Variants in LCMT1 observed in about 807,000 individuals in gnomAD.
The protein encoded by LCMT1 is leucine carboxyl methyltransferase 1, also known as [Phosphatase 2A protein]-leucine-carboxy methyltransferase 1.
LCMT1 carries 32 observed loss-of-function variants against 47.7 expected under a neutral mutation model. That is an observed-to-expected ratio of 0.67 (90% CI 0.51 to 0.90). LCMT1 has a LOEUF of 0.90. Among genes scored for constraint, LCMT1 ranks in the 40% least tolerant of loss-of-function variants. The pLI is 0.00. For synonymous variants in LCMT1, 152 were observed against 149.7 expected, an observed-to-expected ratio of 1.02 and a Z score of -0.11; for missense variants, 375 against 415.2, an observed-to-expected ratio of 0.90 and a Z score of 0.84.
intron 5 of LCMT1, among the ~76,000 whole-genome samples, chr16:25,154,113 G>A (rs537446756): frequency 2.6e-5 from 4 of 151,040 alleles, no homozygotes; most frequent in South Asian, 2.1e-4. Flanking sequence ...GGGTTCAAGC[G>A]ATTCTCCTGC....
intron 5 of LCMT1, among the ~76,000 whole-genome samples, chr16:25,155,493 G>C (rs1961227564): frequency 6.6e-6 from 1 of 151,994 alleles, no homozygotes; most frequent in Non-Finnish European, 1.5e-5. Flanking sequence ...GCTACAGAGA[G>C]CTGTGATTGC....
At chr16:25,126,640 C>T (rs1048115279) in intron 1 of LCMT1, among the ~76,000 whole-genome samples, 7 of 152,214 alleles carry the variant, frequency 4.6e-5, no homozygotes, top group Admixed American at 3.9e-4. Flanking sequence ...CTACACTAGT[C>T]GTATTGAACA....
At chr16:25,112,609 T>A (rs890417755) in intron 1 of LCMT1, among the ~76,000 whole-genome samples, 4 of 152,200 alleles carry the variant, frequency 2.6e-5, no homozygotes, top group African/African-American at 9.7e-5. Context: ...AACAAAATTT[T>A]TTGAGACCTT....
Position 25,175,445 on chromosome 16 carries a change from G to A in LCMT1, c.982+411G>A, listed in dbSNP as rs190242632. 8.1e-3 allele frequency among the ~76,000 whole-genome samples: 1,208 copies of A among 148,424 alleles called. 11 individuals are homozygous for A. The highest frequency in any genetic ancestry group is 0.018 in the South Asian group (82 of 4,674). On this transcript the variant is annotated intron_variant, in intron 10 of 10. Coordinates refer to ENST00000399069, the MANE Select transcript of LCMT1 (RefSeq NM_016309.3). ...TTGAGACCAGCCTGGCCAACATGAT[G>A]AAACCCCGTCTCTACTAAAAATACA...
intron 1 of LCMT1, 126 bp downstream of exon 1, chr16:25,112,122 C>G: frequency 2.8e-6 from 2 of 718,346 alleles, no homozygotes; most frequent in Non-Finnish European, 5.0e-6. Context: ...ACGACCCTCG[C>G]TTCCCACCTG....
chr16:25,115,412 A>G (rs1959755964), intron 1 of LCMT1, among the ~76,000 whole-genome samples: 1 of 152,202 alleles, frequency 6.6e-6, no homozygotes, highest in African/African-American at 2.4e-5. Context: ...TACAGGTGCT[A>G]GAAATCACAC....
intron 10 of LCMT1, among the ~76,000 whole-genome samples, chr16:25,177,688 G>A (rs986148411): frequency 6.6e-6 from 1 of 152,170 alleles, no homozygotes; most frequent in Non-Finnish European, 1.5e-5. Flanking sequence ...ATCAGTGCTT[G>A]TCTGTGTGTG....
At chr16:25,150,476 C>T (rs1005823064) in intron 4 of LCMT1, among the ~76,000 whole-genome samples, 1 of 151,222 alleles carries the variant, frequency 6.6e-6, no homozygotes, top group South Asian at 2.1e-4. Flanking sequence ...TCCCAAGTAG[C>T]TGGGATTCCA....
intron 10 of LCMT1, among the ~76,000 whole-genome samples, chr16:25,177,333 G>A (rs1961979286): frequency 1.3e-5 from 2 of 152,166 alleles, no homozygotes; most frequent in African/African-American, 2.4e-5. Context: ...ATGACCTCTT[G>A]TGACTTTTCC....
intron 7 of LCMT1, among the ~76,000 whole-genome samples, chr16:25,165,102 T>C (rs1961547654): frequency 3.3e-4 from 1 of 2,990 alleles, no homozygotes. Flanking sequence ...GTGTAGGGTT[T>C]GGGGACTGGT....
intron 6 of LCMT1, among the ~76,000 whole-genome samples, chr16:25,163,111 C>G (rs532725197): frequency 3.9e-5 from 6 of 152,368 alleles, no homozygotes; most frequent in African/African-American, 1.4e-4. Context: ...ATCTAACTGC[C>G]TTCGCCTCCC....
intron 4 of LCMT1, chr16:25,146,341 A>T (rs1000523348): frequency 2.6e-5 from 4 of 152,524 alleles, no homozygotes; most frequent in African/African-American, 4.8e-5. Flanking sequence ...GTGTGTATCA[A>T]TCTCATCTGA....
intron 2 of LCMT1, among the ~76,000 whole-genome samples, chr16:25,130,109 G>T (rs2141647155): frequency 6.6e-6 from 1 of 152,282 alleles, no homozygotes. Flanking sequence ...GGGAGGCCGA[G>T]GCGGGCGGAC....
rs567926842 is a variant in LCMT1 at position 25,178,100 on chromosome 16, G to A, written c.*77G>A. On this transcript the variant is annotated 3_prime_UTR_variant, in exon 11 of 11. Transcript: ENST00000399069. Reference sequence around the variant, plus strand: ...AGGAGACCTGCAAGCTCCCTGAGCGGTGGGCGGGCCTCGTCCGCAGGTCTC... The same window carrying A: ...AGGAGACCTGCAAGCTCCCTGAGCGATGGGCGGGCCTCGTCCGCAGGTCTC... 2 of 1,447,220 alleles carry A rather than the reference G, an allele frequency of 1.4e-6. No individual in the cohort carries two copies. The highest frequency in any genetic ancestry group is 1.4e-5 in the African/African-American group (1 of 71,310). The allele number at this position is 1,447,220 out of a possible 1,614,324, so 89.6% of individuals were successfully genotyped here.
Position 25,169,212 on chromosome 16 carries a change from A to C in LCMT1, c.791A>C (p.Gln264Pro). Residue 264 changes from glutamine (Q) to proline (P), a missense_variant and splice_region_variant, in exon 8 of 11, where the codon CAG (glutamine) becomes CCG (proline). By Grantham distance (76) the Gln-to-Pro change is moderately conservative. Transcript: ENST00000399069. ...GAGACCTGCAAGTCATTAGAGTCAC[A>C]GGTCAGAGAGCAGGGACTGGGATAT... ...GVETCKSLES[Q>P]KERLLSNGWE... 2 of 1,592,066 alleles carry C rather than the reference A, an allele frequency of 1.3e-6. No homozygotes were observed. The highest frequency in any genetic ancestry group is 1.7e-6 in the Non-Finnish European group (2 of 1,160,258).
intron 3 of LCMT1, among the ~76,000 whole-genome samples, chr16:25,135,898 C>G (rs1960489267): frequency 6.6e-6 from 1 of 151,854 alleles, no homozygotes; most frequent in Non-Finnish European, 1.5e-5. Flanking sequence ...TGAGACCAGC[C>G]TGGGCATCAT....
At chr16:25,174,275 A>C (rs1353343282) in intron 9 of LCMT1, among the ~76,000 whole-genome samples, 1 of 152,202 alleles carries the variant, frequency 6.6e-6, no homozygotes, top group African/African-American at 2.4e-5. Flanking sequence ...ACATGCATAT[A>C]ATTTTTTACA....
chr16:25,118,567 A>C (rs528725819), intron 1 of LCMT1, among the ~76,000 whole-genome samples: 2 of 151,994 alleles, frequency 1.3e-5, no homozygotes, highest in South Asian at 2.1e-4. Context: ...AATCAGCACA[A>C]TATGTGTCGT....
intron 5 of LCMT1, among the ~76,000 whole-genome samples, chr16:25,153,083 G>T (rs975497264): frequency 2.0e-5 from 3 of 152,104 alleles, no homozygotes; most frequent in African/African-American, 7.2e-5. Flanking sequence ...GACATGAGAG[G>T]AGGGAAAGTG....
Sources: allele counts gnomAD v4.1 joint callset (sites outside exome capture counted in the v4.1 genomes callset), GRCh38; gene constraint gnomAD v4.1.1; transcripts MANE v1.5; gene names NCBI Gene and HGNC (gene_info 2026-07-23, HGNC 2026-07-21).